The following DGKB variants were observed in gnomAD, a reference collection of about 807,000 sequenced individuals.
DGKB encodes the protein diacylglycerol kinase beta, also known as 90 kDa diacylglycerol kinase.
DGKB carries 67 observed loss-of-function variants against 114.3 expected under a neutral mutation model. The observed-to-expected ratio is 0.59, with a 90% CI of 0.48 to 0.72. The LOEUF (loss-of-function observed/expected upper bound fraction) is 0.72. DGKB is among the 30% of genes least tolerant of loss of function. The pLI, the probability that DGKB is intolerant of heterozygous loss-of-function variation, is 0.00. For synonymous variants in DGKB, 398 were observed against 323.1 expected, an observed-to-expected ratio of 1.23 and a Z score of -2.49; for missense variants, 907 against 975.2, an observed-to-expected ratio of 0.93 and a Z score of 0.93.
At chr7:14,937,535 C>T (rs1171722844) in intron 1 of DGKB, among the ~76,000 whole-genome samples, 1 of 152,084 alleles carries the variant, frequency 6.6e-6, no homozygotes, top group African/African-American at 2.4e-5. Context: ...TGATTAATAG[C>T]AGCTTTAAAG....
chr7:14,536,507 C>T (rs1195979005), intron 20 of DGKB, among the ~76,000 whole-genome samples: 5 of 152,134 alleles, frequency 3.3e-5, no homozygotes, highest in African/African-American at 1.2e-4. Flanking sequence ...GACAATTTAA[C>T]ACATGCAAAT....
chr7:14,359,101 G>GATAT lies in DGKB; in HGVS notation c.1836-13714_1836-13711dup, dbSNP rs144055630. Among the ~76,000 whole-genome samples, 552 of 149,668 alleles carry GATAT rather than the reference G, an allele frequency of 3.7e-3. 2 individuals carry two copies. The highest frequency in any genetic ancestry group is 0.011 in the African/African-American group (439 of 40,888). ...ACAGCATGGTACTGGTACCAAAACA[G>GATAT]ATATATATATATATATGTATATAGA... is the stretch of plus-strand genomic sequence containing the variant. On this transcript the variant is annotated intron_variant, in intron 21 of 25. Coordinates refer to ENST00000402815, the MANE Select transcript of DGKB (RefSeq NM_001350709.2).
chr7:14,346,831 T>G (rs1005446387), intron 21 of DGKB, among the ~76,000 whole-genome samples: 1 of 151,992 alleles, frequency 6.6e-6, no homozygotes, highest in African/African-American at 2.4e-5. Flanking sequence ...AACATATCAT[T>G]CTACAGATGG....
intron 21 of DGKB, among the ~76,000 whole-genome samples, chr7:14,423,517 T>G (rs150323880): frequency 2.0e-5 from 3 of 152,228 alleles, no homozygotes; most frequent in African/African-American, 7.2e-5. Flanking sequence ...CCAGTGAATC[T>G]AAGTGCACGT....
intron 1 of DGKB, among the ~76,000 whole-genome samples, chr7:14,943,280 A>T (rs1229338085): frequency 6.6e-6 from 1 of 151,960 alleles, no homozygotes; most frequent in East Asian, 1.9e-4. Flanking sequence ...TCATGTTCAT[A>T]TACATCAATT....
At chr7:14,653,837 C>A (rs1815185533) in intron 13 of DGKB, among the ~76,000 whole-genome samples, 1 of 151,874 alleles carries the variant, frequency 6.6e-6, no homozygotes, top group Admixed American at 6.6e-5. Flanking sequence ...CCTAAAATTT[C>A]TTCATCATAA....
chr7:14,769,655 C>G (rs12333420), intron 2 of DGKB, among the ~76,000 whole-genome samples: 2,830 of 152,128 alleles, frequency 0.019, 66 homozygotes, highest in African/African-American at 0.06. Context: ...CAGAAATTTA[C>G]TTTTTCATAA....
intron 21 of DGKB, among the ~76,000 whole-genome samples, chr7:14,425,066 C>T (rs1382855805): frequency 6.6e-6 from 1 of 151,992 alleles, no homozygotes; most frequent in Non-Finnish European, 1.5e-5. Context: ...AGAACATTAA[C>T]AATATTGACA....
At chr7:14,528,869 T>C (rs764109341) in intron 20 of DGKB, among the ~76,000 whole-genome samples, 1 of 151,994 alleles carries the variant, frequency 6.6e-6, no homozygotes, top group Non-Finnish European at 1.5e-5. Flanking sequence ...CCGTTGCATA[T>C]TTCTTTAAAA....
chr7:14,314,467 G>C lies in DGKB; in HGVS notation c.2122+24048C>G, dbSNP rs1018596923. Among the ~76,000 whole-genome samples, 12 of 151,908 alleles carry C rather than the reference G, an allele frequency of 7.9e-5. 1 individual carries two copies. The highest frequency in any genetic ancestry group is 7.2e-4 in the Admixed American group (11 of 15,252). On this transcript the variant is annotated intron_variant, in intron 23 of 25. Coordinates refer to ENST00000402815, the MANE Select transcript of DGKB (RefSeq NM_001350709.2). Reference sequence around the variant, plus strand: ...CTGATGGAGCTGAAAACCAAGGCTCGAGAACTACGTGAAGAATGCAGAAGG... The same window carrying C: ...CTGATGGAGCTGAAAACCAAGGCTCCAGAACTACGTGAAGAATGCAGAAGG...
rs140158597 is a variant in DGKB, at chr7:14,902,720, G to C, written c.-316C>G. 6.6e-6 allele frequency: 1 copy of C among 152,282 alleles called. No homozygotes were observed. The highest frequency in any genetic ancestry group is 1.9e-4 in the East Asian group (1 of 5,162). 9.4% of individuals were successfully genotyped at this position (152,282 alleles called of 1,614,324 possible). On this transcript the variant is annotated 5_prime_UTR_variant, in exon 1 of 26. Coordinates refer to ENST00000402815, the MANE Select transcript of DGKB (RefSeq NM_001350709.2). Reference sequence around the variant, plus strand: ...CACACGCTCCCGGCACAGTAAGAAGGCTCCCACACAGCTCGGCTTCCCCAG... The same window carrying C: ...CACACGCTCCCGGCACAGTAAGAAGCCTCCCACACAGCTCGGCTTCCCCAG...
chr7:14,343,157 C>CCA (rs3067654), intron 22 of DGKB, among the ~76,000 whole-genome samples: 6,342 of 132,824 alleles, frequency 0.048, 144 homozygotes, highest in Middle Eastern at 0.066. Context: ...GCCTAGCTAT[C>CCA]CACACACACA....
intron 12 of DGKB, among the ~76,000 whole-genome samples, chr7:14,675,763 C>T (rs901234378): frequency 5.9e-5 from 9 of 152,068 alleles, no homozygotes; most frequent in African/African-American, 1.7e-4. Flanking sequence ...AGAAAATTCT[C>T]CTAACCAAGA....
chr7:14,327,553 C>T (rs1039409117), intron 23 of DGKB, among the ~76,000 whole-genome samples: 2 of 152,052 alleles, frequency 1.3e-5, no homozygotes, highest in Non-Finnish European at 2.9e-5. Context: ...ACACAGATTA[C>T]TTCATTGCAT....
chr7:14,697,077 T>A (rs777171399), intron 8 of DGKB, among the ~76,000 whole-genome samples: 3 of 152,222 alleles, frequency 2.0e-5, no homozygotes, highest in African/African-American at 7.2e-5. Context: ...TCTTATCAAC[T>A]TTCCCCAAAA....
At chr7:14,919,811 T>C (rs1000943683) in intron 1 of DGKB, among the ~76,000 whole-genome samples, 4 of 152,298 alleles carry the variant, frequency 2.6e-5, no homozygotes, top group African/African-American at 9.6e-5. Context: ...ACTCCATTAG[T>C]TCACATGTGA....
chr7:14,514,896 A>C (rs1423576182), intron 20 of DGKB, among the ~76,000 whole-genome samples: 1 of 152,086 alleles, frequency 6.6e-6, no homozygotes, highest in African/African-American at 2.4e-5. Context: ...TCTAGGGAAA[A>C]AAAGAAATTG....
intron 1 of DGKB, among the ~76,000 whole-genome samples, chr7:14,971,744 C>CA (rs1374042428): frequency 1.3e-5 from 2 of 148,938 alleles, no homozygotes; most frequent in African/African-American, 5.0e-5. Context: ...AACTTGCCTA[C>CA]AAAAGGATAT....
chr7:14,716,171 T>A (rs1357781871), intron 6 of DGKB, among the ~76,000 whole-genome samples: 1 of 152,182 alleles, frequency 6.6e-6, no homozygotes, highest in Non-Finnish European at 1.5e-5. Context: ...CTTGTGTATA[T>A]GTGTTTTCAC....
Sources: gnomAD v4.1 joint callset for allele counts (sites outside exome capture counted in the v4.1 genomes callset) on GRCh38, gnomAD v4.1.1 for gene constraint, MANE v1.5 for transcripts, NCBI Gene and HGNC (gene_info 2026-07-23, HGNC 2026-07-21) for gene names.